HCN1: variants seen among roughly 807,000 people sequenced by gnomAD.
HCN1 encodes hyperpolarization activated cyclic nucleotide gated potassium channel 1.
In HCN1, 13 loss-of-function variants were observed where a neutral mutation model predicts 78.9. That is an observed-to-expected ratio of 0.16 (90% CI 0.11 to 0.26). The LOEUF is 0.26. Among genes scored for constraint, HCN1 ranks in the 10% least tolerant of loss-of-function variants. The probability of loss-of-function intolerance (pLI) is 1.00; values close to 1 mark genes in which losing one functional copy is unlikely to be tolerated. For missense variants in HCN1, 810 were observed against 1,154.3 expected, an observed-to-expected ratio of 0.70 and a Z score of 4.32; for synonymous variants, 552 against 455.5, an observed-to-expected ratio of 1.21 and a Z score of -2.70.
At chr5:45,616,228 G>T (rs1744946928) in intron 2 of HCN1, among the ~76,000 whole-genome samples, 1 of 151,806 alleles carries the variant, frequency 6.6e-6, no homozygotes, top group Non-Finnish European at 1.5e-5. Context: ...GCCAAACTGT[G>T]GGCATAACGT....
chr5:45,371,680 C>T lies in HCN1; in HGVS notation c.1231-18434G>A, dbSNP rs570577623. 1.7e-3 allele frequency among the ~76,000 whole-genome samples: 260 copies of T among 149,626 alleles called. 1 individual carries two copies. The highest frequency in any genetic ancestry group is 2.9e-3 in the Non-Finnish European group (197 of 67,632). ...GCTGAGGCAGGAGAATCACTTGAAC[C>T]CGGGAGGCGAAGGTTGCAGTGAGCC... On this transcript the variant is annotated intron_variant, in intron 4 of 7. Transcript: ENST00000303230.
chr5:45,262,947 C>T lies in HCN1; in HGVS notation c.1784-137G>A, dbSNP rs898579096. 22 of 845,746 alleles carry T rather than the reference C, an allele frequency of 2.6e-5. No homozygotes were observed. The African/African-American group carries it at 3.5e-4, about 14-fold the overall frequency. 52.4% of individuals were successfully genotyped at this position (845,746 alleles called of 1,614,324 possible). On this transcript the variant is annotated intron_variant, in intron 7 of 7. Coordinates refer to ENST00000303230, the MANE Select transcript of HCN1 (RefSeq NM_021072.4). ...TTAAAAAGCCAGTCACTCACCTTTA[C>T]ACACCAAATACCAATGTGGCTCCTA...
At chr5:45,273,583 A>G (rs916207583) in intron 6 of HCN1, among the ~76,000 whole-genome samples, 18 of 152,110 alleles carry the variant, frequency 1.2e-4, no homozygotes, top group Admixed American at 9.2e-4. Context: ...GAAATTTCTA[A>G]AGTAATGTGC....
intron 2 of HCN1, among the ~76,000 whole-genome samples, chr5:45,566,716 C>T (rs1392172094): frequency 2.0e-5 from 3 of 152,106 alleles, no homozygotes; most frequent in South Asian, 2.1e-4. Context: ...GGTCCTCATA[C>T]GTAAGTGAAA....
intron 1 of HCN1, among the ~76,000 whole-genome samples, chr5:45,652,032 C>T (rs1457999994): frequency 6.6e-6 from 1 of 151,728 alleles, no homozygotes; most frequent in African/African-American, 2.4e-5. Context: ...GCAATTTATC[C>T]AATGAGAATA....
chr5:45,274,447 A>AT (rs1745015615), intron 6 of HCN1, among the ~76,000 whole-genome samples: 1 of 152,184 alleles, frequency 6.6e-6, no homozygotes, highest in Admixed American at 6.6e-5. Flanking sequence ...AAAGTTATTC[A>AT]TTGACAAAGC....
chr5:45,282,188 A>G (rs1745182765), intron 6 of HCN1, among the ~76,000 whole-genome samples: 1 of 152,196 alleles, frequency 6.6e-6, no homozygotes. Context: ...ACCACTTAGT[A>G]AAGCATTGAA....
chr5:45,417,866 C>G (rs897935982), intron 3 of HCN1, among the ~76,000 whole-genome samples: 18 of 147,350 alleles, frequency 1.2e-4, no homozygotes, highest in Non-Finnish European at 2.4e-4. Flanking sequence ...GCTAGAGAAA[C>G]AACTGTCAGG....
chr5:45,525,574 T>C (rs1051668266), intron 2 of HCN1, among the ~76,000 whole-genome samples: 3 of 151,618 alleles, frequency 2.0e-5, no homozygotes, highest in African/African-American at 7.3e-5. Flanking sequence ...AAATAGGGAG[T>C]AATAAATAAA....
intron 5 of HCN1, among the ~76,000 whole-genome samples, chr5:45,350,769 T>A (rs1746879122): frequency 6.6e-6 from 1 of 151,736 alleles, no homozygotes; most frequent in Non-Finnish European, 1.5e-5. Flanking sequence ...TGAACTCCCA[T>A]TCACAATTGC....
intron 3 of HCN1, among the ~76,000 whole-genome samples, chr5:45,407,729 C>T (rs376929906): frequency 2.2e-4 from 33 of 152,166 alleles, no homozygotes; most frequent in Admixed American, 5.9e-4. Context: ...CCACTGGTCT[C>T]GAACTCCTGA....
chr5:45,393,666 A>T (rs1347491926), intron 4 of HCN1, among the ~76,000 whole-genome samples: 1 of 152,182 alleles, frequency 6.6e-6, no homozygotes, highest in African/African-American at 2.4e-5. Flanking sequence ...GTTTCAATCA[A>T]CATTTCTGAA....
chr5:45,573,214 G>A (rs1019955781), intron 2 of HCN1, among the ~76,000 whole-genome samples: 11 of 151,874 alleles, frequency 7.2e-5, no homozygotes, highest in South Asian at 2.1e-4. Flanking sequence ...CATTTTCTTC[G>A]AAATCTATTA....
rs931370794 is a variant in HCN1, at chr5:45,394,811, CA to C, written c.1230+1680del. 3.5e-3 allele frequency among the ~76,000 whole-genome samples: 502 copies of C among 144,030 alleles called. 1 individual carries two copies. Among genetic ancestry groups the C allele is most frequent in the African/African-American group, 0.011 (445 of 39,490 alleles). The allele number at this position is 144,030 out of a possible 152,430, so 94.5% of individuals were successfully genotyped here. A position where few individuals can be genotyped will look rare whatever the true frequency, so the allele number is the denominator to read the frequency against. On this transcript the variant is annotated intron_variant, in intron 4 of 7. Transcript: ENST00000303230. ...AGCCTGGGTGACAGAGACTCCATTTCAAAAAAAAAAAGTTATATTCTTTTAA... is the reference window on the plus strand; with the variant it reads ...AGCCTGGGTGACAGAGACTCCATTTCAAAAAAAAAAGTTATATTCTTTTAA...
chr5:45,374,788 G>GTATATA (rs937199640), intron 4 of HCN1, among the ~76,000 whole-genome samples: 1 of 142,672 alleles, frequency 7.0e-6, no homozygotes, highest in East Asian at 2.0e-4. Context: ...ATATATGTGT[G>GTATATA]TATATATATA....
intron 2 of HCN1, among the ~76,000 whole-genome samples, chr5:45,508,234 C>A (rs1742346380): frequency 6.6e-6 from 1 of 152,104 alleles, no homozygotes. Flanking sequence ...TCTCCATTCT[C>A]CAAGTACGAT....
chr5:45,632,770 G>A (rs1745290699), intron 2 of HCN1, among the ~76,000 whole-genome samples: 1 of 151,966 alleles, frequency 6.6e-6, no homozygotes, highest in Non-Finnish European at 1.5e-5. Flanking sequence ...TCAATACATG[G>A]ATTCTCTGAC....
chr5:45,426,681 T>C (rs1740354319), intron 3 of HCN1, among the ~76,000 whole-genome samples: 1 of 152,166 alleles, frequency 6.6e-6, no homozygotes, highest in Non-Finnish European at 1.5e-5. Flanking sequence ...GTCTCAGGTA[T>C]GTGTTTATTA....
chr5:45,384,562 C>G (rs1747876420), intron 4 of HCN1, among the ~76,000 whole-genome samples: 1 of 152,028 alleles, frequency 6.6e-6, no homozygotes, highest in South Asian at 2.1e-4. Flanking sequence ...CACAGGTGAT[C>G]AAACAGGGAA....
Sources: allele counts gnomAD v4.1 joint callset (sites outside exome capture counted in the v4.1 genomes callset), GRCh38; gene constraint gnomAD v4.1.1; transcripts MANE v1.5; gene names NCBI Gene and HGNC (gene_info 2026-07-23, HGNC 2026-07-21).